The following SERPINA4 variants were observed in gnomAD, a reference collection of about 807,000 sequenced individuals.
SERPINA4 encodes kallistatin.
SERPINA4 carries 24 observed loss-of-function variants against 25.4 expected under a neutral mutation model. That is an observed-to-expected ratio of 0.95 (90% CI 0.69 to 1.33). The LOEUF (loss-of-function observed/expected upper bound fraction) is 1.33, where lower values mean the gene tolerates loss of function less well. SERPINA4 is among the 40% of genes most tolerant of loss of function. The pLI is 0.00. For synonymous variants in SERPINA4, 242 were observed against 223.6 expected (o/e 1.08, Z -0.73); for missense variants, 553 against 535.8 (o/e 1.03, Z -0.32).
At chr14:94,561,800 G>A (rs1056064692) in intron 1 of SERPINA4, 7 of 1,289,716 alleles carry the variant, frequency 5.4e-6, no homozygotes, top group African/African-American at 1.5e-5. Context: ...TCTTCTGGCT[G>A]CCAATCCAGG....
chr14:94,568,172 A>G lies in SERPINA4; in HGVS notation c.967A>G (p.Ile323Val). Reference sequence around the variant, plus strand: ...AGAGTTGCATCTTCCCAAGTTCTCCATTTCTGGCTCCTATGTATTAGATCA... The same window carrying G: ...AGAGTTGCATCTTCCCAAGTTCTCCGTTTCTGGCTCCTATGTATTAGATCA... ...KLELHLPKFS[I>V]SGSYVLDQIL... The change falls in exon 4 of 5, where the codon ATT becomes GTT. Residue 323 changes from isoleucine to valine, a missense_variant. Ile to Val is a conservative substitution (Grantham distance 29). Coordinates refer to ENST00000557004, the MANE Select transcript of SERPINA4 (RefSeq NM_006215.4). 1 of 1,614,198 alleles carries G rather than the reference A, an allele frequency of 6.2e-7. No homozygotes were observed. The highest frequency in any genetic ancestry group is 8.5e-7 in the Non-Finnish European group (1 of 1,180,032).
chr14:94,566,078 C>T (rs1021094556), intron 2 of SERPINA4, among the ~76,000 whole-genome samples: 9 of 152,178 alleles, frequency 5.9e-5, no homozygotes, highest in African/African-American at 2.4e-5. Context: ...TTGCTTCCCT[C>T]CTCACACTGC....
Position 94,567,685 on chromosome 14 carries a change from C to A in SERPINA4, c.923+442C>A, listed in dbSNP as rs115367340. Among the ~76,000 whole-genome samples, 396 of 152,316 alleles carry A rather than the reference C, an allele frequency of 2.6e-3. 2 individuals are homozygous for A. The highest frequency in any genetic ancestry group is 9.3e-3 in the African/African-American group (387 of 41,572). The stretch of plus-strand genomic sequence containing the variant: ...TCTGGTTATGATTGGAAAAAGTCTT[C>A]AACCATATATAAGAAAAGGATCCTA... On this transcript the variant is annotated intron_variant, in intron 3 of 4. Transcript: ENST00000557004.
intron 2 of SERPINA4, 116 bp downstream of exon 2, chr14:94,564,247 A>G: frequency 9.4e-7 from 1 of 1,062,418 alleles, no homozygotes; most frequent in Non-Finnish European, 1.4e-6. Context: ...TGTGTCTGAT[A>G]GGGTTGAGCA....
rs559018978 is a variant in SERPINA4, at chr14:94,569,575, G to A, written c.1264G>A (p.Val422Ile). 2.9e-5 allele frequency: 47 copies of A among 1,614,156 alleles called. No homozygotes were observed. Among genetic ancestry groups the A allele is most frequent in the South Asian group, 2.2e-4 (20 of 91,082 alleles). ...TQSVLFLGKV[V>I]DPTKP ...GAGTGTCCTCTTTCTGGGCAAGGTC[G>A]TCGACCCCACGAAACCATAGCCCTC... Residue 422 changes from valine to isoleucine, a missense_variant, in exon 5 of 5, where the codon GTC becomes ATC. Transcript: ENST00000557004.
chr14:94,563,380 C>T, intron 1 of SERPINA4, 86 bp from the exon 2 acceptor site: 2 of 1,404,868 alleles, frequency 1.4e-6, no homozygotes, highest in Non-Finnish European at 1.9e-6. Flanking sequence ...CTCACGATCT[C>T]CGGGTGCTGG....
rs571409270 is a variant in SERPINA4 at position 94,565,810 on chromosome 14, C to T, written c.650-1160C>T. Among the ~76,000 whole-genome samples, 25 of 152,128 alleles carry T rather than the reference C, an allele frequency of 1.6e-4. No homozygotes were observed. The South Asian group carries it at 2.1e-3, about 13-fold the overall frequency. On this transcript the variant is annotated intron_variant, in intron 2 of 4. Transcript: ENST00000557004. The stretch of plus-strand genomic sequence containing the variant: ...GAAGTGGAGGTTGCTGAGATTTTGC[C>T]ACCACACTCTGGTCTGGGTGACAGA...
rs1902275056 is a variant in SERPINA4, at chr14:94,568,035, G to C, written c.924-94G>C. On this transcript the variant is annotated intron_variant, in intron 3 of 4. Transcript: ENST00000557004. ...GTGGGGACAGAACTCAGATGGAATA[G>C]AGCCAGCTAGAGAGGGCCACCAAGG... The C allele has an allele frequency of 8.6e-6, 11 of 1,276,486 alleles. 1 individual carries two copies. The highest frequency in any genetic ancestry group is 8.0e-5 in the South Asian group (6 of 74,992). 79.1% of individuals were successfully genotyped at this position (1,276,486 alleles called of 1,614,324 possible). A position where few individuals can be genotyped will look rare whatever the true frequency, so the allele number is the denominator to read the frequency against.
In SERPINA4 at chr14:94,569,797, G is replaced by T; in HGVS notation, c.*202G>T. 1 of 605,438 alleles carries T rather than the reference G, an allele frequency of 1.7e-6. No homozygotes were observed. The highest frequency in any genetic ancestry group is 2.9e-6 in the Non-Finnish European group (1 of 344,482). 37.5% of individuals were successfully genotyped at this position (605,438 alleles called of 1,614,324 possible). ...ACATTCCACACCCTGGTGCTGTGCA[G>T]CCTCTGGCAGAGCATCCGACCTCTT... On this transcript the variant is annotated 3_prime_UTR_variant, in exon 5 of 5. Transcript: ENST00000557004.
intron 2 of SERPINA4, among the ~76,000 whole-genome samples, chr14:94,564,691 T>A (rs1022864547): frequency 6.6e-6 from 1 of 152,236 alleles, no homozygotes; most frequent in African/African-American, 2.4e-5. Flanking sequence ...GCAGGTTGAT[T>A]CATTACTGCA....
chr14:94,565,293 G>C (rs1004150932), intron 2 of SERPINA4, among the ~76,000 whole-genome samples: 5 of 152,136 alleles, frequency 3.3e-5, no homozygotes, highest in African/African-American at 1.2e-4. Flanking sequence ...GGTTAGACTT[G>C]GGAAATGAGC....
chr14:94,567,664 G>C (rs569678636), intron 3 of SERPINA4, among the ~76,000 whole-genome samples: 2 of 152,276 alleles, frequency 1.3e-5, no homozygotes, highest in Admixed American at 6.5e-5. Flanking sequence ...CATCACTCTG[G>C]TTATGATTGG....
At chr14:94,563,303 T>C (rs1902082878) in intron 1 of SERPINA4, among the ~76,000 whole-genome samples, 163 bp from the exon 2 acceptor site, 1 of 152,236 alleles carries the variant, frequency 6.6e-6, no homozygotes. Context: ...GCTGTCACCA[T>C]ACATGTGGAA....
In SERPINA4 at chr14:94,563,637, C is replaced by T; in HGVS notation, c.155C>T (p.Ala52Val). 4 of 1,613,850 alleles carry T rather than the reference C, an allele frequency of 2.5e-6. No individual in the cohort carries two copies. The Middle Eastern group carries it at 4.9e-4, about 200-fold the overall frequency. ...TGEGSPSLKI[A>V]PANADFAFRF... is the part of the protein sequence containing the mutation. ...GAGGGCTCCCCCAGCCTCAAGATAG[C>T]CCCTGCCAATGCTGACTTTGCCTTC... Residue 52 changes from alanine (A) to valine (V), a missense_variant, in exon 2 of 5, where the codon GCC (alanine) becomes GTC (valine). Coordinates refer to ENST00000557004, the MANE Select transcript of SERPINA4 (RefSeq NM_006215.4).
At position 94,566,978 on chromosome 14, in the gene SERPINA4, G is replaced by T. The variant is rs1427801493; in HGVS notation, c.658G>T (p.Glu220Ter). 3 of 1,613,168 alleles carry T rather than the reference G, an allele frequency of 1.9e-6. No individual in the cohort carries two copies. Among genetic ancestry groups the T allele is most frequent in the Non-Finnish European group, 2.5e-6 (3 of 1,179,416 alleles). ...VNYIYFKALW[E>*]KPFISSRTTP... ...TTTCATCTTCCCTTCAGCCCTGTGG[G>T]AGAAACCATTCATTTCCTCAAGGAC... Residue 220 changes from glutamate to a stop codon, truncating the protein, a stop_gained, in exon 3 of 5, where the codon GAG becomes TAG. Transcript: ENST00000557004. LOFTEE classifies it high-confidence loss of function.
intron 2 of SERPINA4, 80 bp downstream of exon 2, chr14:94,564,211 T>C: frequency 6.9e-7 from 1 of 1,440,470 alleles, no homozygotes; most frequent in Non-Finnish European, 9.5e-7. Flanking sequence ...TTAAATATAT[T>C]TTTACAAAAA....
chr14:94,565,815 C>A (rs1375820974), intron 2 of SERPINA4, among the ~76,000 whole-genome samples: 1 of 152,054 alleles, frequency 6.6e-6, no homozygotes. Context: ...TTTGCCACCA[C>A]ACTCTGGTCT....
In SERPINA4 at chr14:94,568,287, A is replaced by G. The variant is rs763255113; in HGVS notation, c.1082A>G (p.Lys361Arg). 21 of 1,614,064 alleles carry G rather than the reference A, an allele frequency of 1.3e-5. 1 individual carries two copies. The South Asian group carries it at 2.0e-4, about 15-fold the overall frequency. ...AAACAGCAAAAACTGGAGGCATCCA[A>G]AGTAAGTCGTCAACAGTCAGCAATC... ...ITKQQKLEAS[K>R]SFHKATLDVD... The change falls in exon 4 of 5, where the codon AAA (lysine) becomes AGA (arginine). Residue 361 changes from lysine to arginine, a missense_variant and splice_region_variant. Physicochemically the swap from Lys to Arg is conservative, Grantham distance 26. Coordinates refer to ENST00000557004, the MANE Select transcript of SERPINA4 (RefSeq NM_006215.4).
chr14:94,568,386 T>C, intron 4 of SERPINA4, 98 bp downstream of exon 4: 1 of 1,309,300 alleles, frequency 7.6e-7, no homozygotes. Context: ...ACATGGAGTC[T>C]CAGAGCCTGA....
Sources: gnomAD v4.1 joint callset for allele counts (sites outside exome capture counted in the v4.1 genomes callset) on GRCh38, gnomAD v4.1.1 for gene constraint, MANE v1.5 for transcripts, NCBI Gene and HGNC (gene_info 2026-07-23, HGNC 2026-07-21) for gene names.